The following CGRRF1 variants were observed in gnomAD, a reference collection of about 807,000 sequenced individuals.
The protein encoded by CGRRF1 is cell growth regulator with RING finger domain protein 1.
A neutral mutation model predicts 37.2 loss-of-function variants in CGRRF1; 32 were observed. That is an observed-to-expected ratio of 0.86 (90% confidence interval 0.65 to 1.16). The LOEUF is 1.16. CGRRF1 is among the 50% of genes most tolerant of loss of function. CGRRF1 has a pLI of 0.00. For missense variants in CGRRF1, 391 were observed against 382.6 expected, an observed-to-expected ratio of 1.02 and a Z score of -0.18; for synonymous variants, 141 against 140.3, an observed-to-expected ratio of 1.00 and a Z score of -0.04.
chr14:54,532,755 T>C (rs909003300), intron 4 of CGRRF1, among the ~76,000 whole-genome samples: 7 of 151,650 alleles, frequency 4.6e-5, no homozygotes, highest in Admixed American at 3.9e-4. Context: ...TCATAGAGCT[T>C]GACAGCGAAA....
intron 2 of CGRRF1, among the ~76,000 whole-genome samples, chr14:54,528,976 A>G (rs1419491112): frequency 6.6e-6 from 1 of 152,184 alleles, no homozygotes; most frequent in African/African-American, 2.4e-5. Flanking sequence ...TATACTCTTG[A>G]TCACATTTTA....
intron 4 of CGRRF1, among the ~76,000 whole-genome samples, chr14:54,531,436 T>C (rs1449393668): frequency 6.6e-6 from 1 of 152,172 alleles, no homozygotes; most frequent in Non-Finnish European, 1.5e-5. Context: ...AAAAGATATA[T>C]AATGGTTGAA....
chr14:54,519,302 A>G (rs2032274308), intron 1 of CGRRF1, among the ~76,000 whole-genome samples: 1 of 151,624 alleles, frequency 6.6e-6, no homozygotes, highest in Non-Finnish European at 1.5e-5. Context: ...CAGTGGCACA[A>G]TCTCTGCTTA....
intron 4 of CGRRF1, among the ~76,000 whole-genome samples, chr14:54,532,702 A>T (rs1021263028): frequency 2.4e-5 from 3 of 123,250 alleles, no homozygotes; most frequent in African/African-American, 1.1e-4. Flanking sequence ...TTTGATAAGT[A>T]AAAAAAAAAA....
chr14:54,531,703 CATT>C (rs1354247932), intron 4 of CGRRF1, among the ~76,000 whole-genome samples: 2 of 152,084 alleles, frequency 1.3e-5, no homozygotes, highest in African/African-American at 4.8e-5. Context: ...CTCCTTTCCT[CATT>C]ATGTGCTAAT....
intron 4 of CGRRF1, among the ~76,000 whole-genome samples, chr14:54,535,597 T>C (rs1284242212): frequency 6.6e-6 from 1 of 152,274 alleles, no homozygotes; most frequent in African/African-American, 2.4e-5. Context: ...TTCTCCACTC[T>C]TCTGTTTTTT....
intron 2 of CGRRF1, among the ~76,000 whole-genome samples, chr14:54,528,245 C>G (rs2032447401): frequency 7.2e-6 from 1 of 138,434 alleles, no homozygotes; most frequent in African/African-American, 2.7e-5. Context: ...CAGAGTCTCA[C>G]TGTGTCAGCC....
At chr14:54,529,506 G>A (rs2032470776) in intron 2 of CGRRF1, among the ~76,000 whole-genome samples, 1 of 152,160 alleles carries the variant, frequency 6.6e-6, no homozygotes, top group African/African-American at 2.4e-5. Context: ...CATATTACAT[G>A]GGACATTAAG....
At chr14:54,536,915 A>G (rs1353033367) in intron 4 of CGRRF1, 2 of 152,172 alleles carry the variant, frequency 1.3e-5, no homozygotes, top group Non-Finnish European at 2.9e-5. Context: ...CACTGAGACT[A>G]AAATGGAATT....
At chr14:54,512,932 T>G (rs184597594) in intron 1 of CGRRF1, among the ~76,000 whole-genome samples, 4 of 152,370 alleles carry the variant, frequency 2.6e-5, no homozygotes, top group Admixed American at 2.0e-4. Context: ...AGCTGCTTCC[T>G]GCTGTTACTA....
chr14:54,535,784 T>C (rs138748938), intron 4 of CGRRF1, among the ~76,000 whole-genome samples: 1 of 152,348 alleles, frequency 6.6e-6, no homozygotes, highest in East Asian at 1.9e-4. Context: ...TCCAGTCGGT[T>C]CTTGGCATTC....
At chr14:54,519,951 A>G (rs906919590) in intron 1 of CGRRF1, among the ~76,000 whole-genome samples, 1 of 152,198 alleles carries the variant, frequency 6.6e-6, no homozygotes, top group Non-Finnish European at 1.5e-5. Context: ...TTATCCATAC[A>G]TTGGTCTATC....
intron 1 of CGRRF1, among the ~76,000 whole-genome samples, chr14:54,515,379 A>C (rs12590012): frequency 6.6e-6 from 1 of 151,942 alleles, no homozygotes; most frequent in African/African-American, 2.4e-5. Context: ...GGTGTGAGTC[A>C]CCGCGCCCGG....
At position 54,526,193 on chromosome 14, in the gene CGRRF1, A is replaced by G. The variant is rs1441466919; in HGVS notation, c.244+3600A>G. 4.1e-5 allele frequency among the ~76,000 whole-genome samples: 5 copies of G among 122,012 alleles called. No individual in the cohort carries two copies. The South Asian group carries it at 1.1e-3, about 26-fold the overall frequency. The allele number at this position is 122,012 out of a possible 152,430, so 80.0% of individuals were successfully genotyped here. A position where few individuals can be genotyped will look rare whatever the true frequency, so the allele number is the denominator to read the frequency against. On this transcript the variant is annotated intron_variant, in intron 2 of 5. Coordinates refer to ENST00000216420, the MANE Select transcript of CGRRF1 (RefSeq NM_006568.3). ...GAGACGGAGTCTCGCTCTGTCGCCC[A>G]GGCTAGAGTGCAGTGGTGCAATCTT... is the stretch of plus-strand genomic sequence containing the variant.
At chr14:54,514,769 T>C (rs1461828471) in intron 1 of CGRRF1, among the ~76,000 whole-genome samples, 2 of 152,228 alleles carry the variant, frequency 1.3e-5, no homozygotes, top group Non-Finnish European at 2.9e-5. Flanking sequence ...TACTGCTTTA[T>C]CAGCATTCCC....
At chr14:54,516,624 AT>A (rs1185542959) in intron 1 of CGRRF1, among the ~76,000 whole-genome samples, 1 of 151,986 alleles carries the variant, frequency 6.6e-6, no homozygotes, top group Non-Finnish European at 1.5e-5. Context: ...CAATTTGATT[AT>A]TATGTGCCTT....
At chr14:54,532,466 T>C (rs939604991) in intron 4 of CGRRF1, among the ~76,000 whole-genome samples, 1 of 152,140 alleles carries the variant, frequency 6.6e-6, no homozygotes, top group Non-Finnish European at 1.5e-5. Context: ...CTTTTGGGAT[T>C]TTTGGTGCTC....
At position 54,522,567 on chromosome 14, in the gene CGRRF1, C is replaced by T; in HGVS notation, c.218C>T (p.Thr73Ile). ...AAGAATCCTTTTGGCTTAGAGATCA[C>T]TAATCCATCTTCAGCTTCAATTACA... ...QVKNPFGLEI[T>I]NPSSASITTG... is the part of the protein sequence containing the mutation. Residue 73 changes from threonine to isoleucine, a missense_variant, in exon 2 of 6, where the codon ACT becomes ATT. Physicochemically the swap from Thr to Ile is moderately conservative, Grantham distance 89. Transcript: ENST00000216420. 1 of 1,591,844 alleles carries T rather than the reference C, an allele frequency of 6.3e-7. No homozygotes were observed.
At chr14:54,515,530 A>T (rs2032201308) in intron 1 of CGRRF1, among the ~76,000 whole-genome samples, 1 of 152,070 alleles carries the variant, frequency 6.6e-6, no homozygotes, top group South Asian at 2.1e-4. Context: ...TTCTGACTAT[A>T]ATTGTGGATT....
Sources: gnomAD v4.1 joint callset for allele counts (sites outside exome capture counted in the v4.1 genomes callset) on GRCh38, gnomAD v4.1.1 for gene constraint, MANE v1.5 for transcripts, NCBI Gene and HGNC (gene_info 2026-07-23, HGNC 2026-07-21) for gene names.